ZNF610: variants seen among roughly 807,000 people sequenced by gnomAD.
ZNF610 encodes zinc finger protein 610.
A neutral mutation model predicts 14.1 loss-of-function variants in ZNF610; 14 were observed. That is an observed-to-expected ratio of 0.99 (90% CI 0.65 to 1.55). The LOEUF (loss-of-function observed/expected upper bound fraction) is 1.55, where lower values mean the gene tolerates loss of function less well. Ranked by LOEUF, ZNF610 falls within the 40% of genes most tolerant of loss-of-function variation. The pLI, the probability that ZNF610 is intolerant of heterozygous loss-of-function variation, is 0.00. For missense variants in ZNF610, 530 were observed against 558.0 expected, an observed-to-expected ratio of 0.95 and a Z score of 0.51; for synonymous variants, 185 against 187.6, an observed-to-expected ratio of 0.99 and a Z score of 0.11.
At chr19:52,353,845 C>G (rs1276749830) in intron 4 of ZNF610, 37 bp downstream of exon 4, 6 of 1,583,628 alleles carry the variant, frequency 3.8e-6, no homozygotes, top group East Asian at 2.2e-5. Context: ...GGGATCTGCT[C>G]TAATCTGTCT....
chr19:52,355,386 T>G (rs2560979), intron 5 of ZNF610, among the ~76,000 whole-genome samples: 66,093 of 152,018 alleles, frequency 0.43, 14,738 homozygotes, highest in African/African-American at 0.54. Context: ...CAGCCCCCTC[T>G]GCCTGTTCAG....
intron 1 of ZNF610, among the ~76,000 whole-genome samples, chr19:52,344,878 G>A (rs953288917): frequency 4.6e-5 from 7 of 152,126 alleles, no homozygotes; most frequent in Admixed American, 2.6e-4. Context: ...TGCCTCCCAG[G>A]TTCAAGTGAT....
chr19:52,351,848 G>A (rs1284476441), intron 3 of ZNF610, among the ~76,000 whole-genome samples: 3 of 152,244 alleles, frequency 2.0e-5, no homozygotes, highest in African/African-American at 7.2e-5. Flanking sequence ...GAAATCTGGA[G>A]TTTGTGGTTT....
In ZNF610 at chr19:52,353,852, G is replaced by A. The variant is rs2560889; in HGVS notation, c.190+44G>A. Reference sequence around the variant, plus strand: ...CAGAAGCCGGGATCTGCTCTAATCTGTCTTTGCATTTTCTCTTGCGTGCCT... The same window carrying A: ...CAGAAGCCGGGATCTGCTCTAATCTATCTTTGCATTTTCTCTTGCGTGCCT... On this transcript the variant is annotated intron_variant, in intron 4 of 5. Coordinates refer to ENST00000403906, the MANE Select transcript of ZNF610 (RefSeq NM_001161425.2). 5,436 of 1,568,334 alleles carry A rather than the reference G, an allele frequency of 3.5e-3. 94 individuals carry two copies. The East Asian group carries it at 0.053, about 15-fold the overall frequency.
intron 4 of ZNF610, 132 bp downstream of exon 4, chr19:52,353,940 C>T: frequency 3.3e-6 from 4 of 1,204,186 alleles, no homozygotes; most frequent in Non-Finnish European, 4.6e-6. Flanking sequence ...ATGAAAAGCT[C>T]TATTATGCTC....
intron 5 of ZNF610, among the ~76,000 whole-genome samples, chr19:52,356,202 T>C (rs566487026): frequency 1.3e-5 from 2 of 152,324 alleles, no homozygotes; most frequent in East Asian, 3.9e-4. Context: ...CATTCTTCAG[T>C]TGTGCTTCAT....
chr19:52,366,840 TATC>T lies in ZNF610; in HGVS notation c.*76_*78del, dbSNP rs1986123336. 5.7e-6 allele frequency: 7 copies of T among 1,225,514 alleles called. No individual in the cohort carries two copies. The highest frequency in any genetic ancestry group is 1.5e-5 in the African/African-American group (1 of 65,742). 75.9% of individuals were successfully genotyped at this position (1,225,514 alleles called of 1,614,324 possible). A position where few individuals can be genotyped will look rare whatever the true frequency, so the allele number is the denominator to read the frequency against. On this transcript the variant is annotated 3_prime_UTR_variant, in exon 6 of 6. Coordinates refer to ENST00000403906, the MANE Select transcript of ZNF610 (RefSeq NM_001161425.2). ...GGACTCAGGAGAAAAACCTTACAAA[TATC>T]ATAAATGTGGCAAAGAATTTAGTTT...
rs531682273 is a variant in ZNF610, at chr19:52,348,961, G to A, written c.-19-193G>A. Among the ~76,000 whole-genome samples the A allele has an allele frequency of 5.3e-5, 8 of 152,232 alleles. No homozygotes were observed. The South Asian group carries it at 1.2e-3, about 24-fold the overall frequency. ...GTGCGGGCTTCTCCAGGAGGGGAGC[G>A]AGTCCTGAATAAAAGAGTAAAAATT... On this transcript the variant is annotated intron_variant, in intron 2 of 5. Transcript: ENST00000403906.
Position 52,343,632 on chromosome 19 carries a change from G to A in ZNF610, c.-257-4075G>A, listed in dbSNP as rs1309508288. Among the ~76,000 whole-genome samples the A allele has an allele frequency of 3.3e-5, 5 of 152,136 alleles. No individual in the cohort carries two copies. The East Asian group carries it at 5.8e-4, about 18-fold the overall frequency. ...TGTATGGAAAGTACAGTTAATGTTT[G>A]AGTTGTACCTTGATACAAGCAGTTT... On this transcript the variant is annotated intron_variant, in intron 1 of 5. Transcript: ENST00000403906.
At chr19:52,341,664 T>C (rs1253286050) in intron 1 of ZNF610, among the ~76,000 whole-genome samples, 1 of 150,690 alleles carries the variant, frequency 6.6e-6, no homozygotes, top group Non-Finnish European at 1.5e-5. Context: ...CCTCACTCTA[T>C]TGCACAGGCT....
intron 1 of ZNF610, among the ~76,000 whole-genome samples, chr19:52,340,927 C>T (rs571436792): frequency 6.4e-4 from 98 of 152,052 alleles, no homozygotes; most frequent in Middle Eastern, 3.4e-3. Flanking sequence ...GTGATCTGCC[C>T]GCCTTGGCCT....
At chr19:52,345,817 A>G (rs11879598) in intron 1 of ZNF610, among the ~76,000 whole-genome samples, 3,542 of 151,254 alleles carry the variant, frequency 0.023, 146 homozygotes, top group African/African-American at 0.081. Flanking sequence ...CCATTCTCCC[A>G]CCTCAGCCTC....
At chr19:52,331,317 G>A (rs148746750), upstream of ZNF610, among the ~76,000 whole-genome samples, 1 of 152,250 alleles carries the variant, frequency 6.6e-6, no homozygotes, top group East Asian at 1.9e-4. Flanking sequence ...CCAATAGAGT[G>A]GCAGTCCCCA....
At chr19:52,355,347 A>G (rs1454736287) in intron 5 of ZNF610, among the ~76,000 whole-genome samples, 1 of 152,036 alleles carries the variant, frequency 6.6e-6, no homozygotes, top group Non-Finnish European at 1.5e-5. Flanking sequence ...TCTTTTTTGC[A>G]TCTGGGCCCT....
chr19:52,338,928 G>C (rs1298262280), intron 1 of ZNF610, among the ~76,000 whole-genome samples: 2 of 151,944 alleles, frequency 1.3e-5, no homozygotes, highest in Non-Finnish European at 1.5e-5. Flanking sequence ...GACCCGCGCC[G>C]GCCCGGTCTC....
At chr19:52,351,907 GT>G (rs1985272598) in intron 3 of ZNF610, among the ~76,000 whole-genome samples, 1 of 152,150 alleles carries the variant, frequency 6.6e-6, no homozygotes, top group Non-Finnish European at 1.5e-5. Flanking sequence ...AGGCTAACGT[GT>G]TCATGCATTT....
chr19:52,331,678 G>C (rs1024270201), upstream of ZNF610, among the ~76,000 whole-genome samples: 1 of 152,136 alleles, frequency 6.6e-6, no homozygotes, highest in Non-Finnish European at 1.5e-5. Flanking sequence ...GAGAAATCTA[G>C]CACCTATTAT....
intron 5 of ZNF610, among the ~76,000 whole-genome samples, chr19:52,360,184 C>G (rs898086755): frequency 6.6e-5 from 10 of 152,260 alleles, no homozygotes; most frequent in African/African-American, 2.2e-4. Flanking sequence ...GTCTTAAGAC[C>G]TATAATCAGA....
rs1311058285 is a variant in ZNF610, at chr19:52,366,426, G to A, written c.1048G>A (p.Gly350Ser). 4 of 1,613,964 alleles carry A rather than the reference G, an allele frequency of 2.5e-6. No individual in the cohort carries two copies. The highest frequency in any genetic ancestry group is 3.4e-6 in the Non-Finnish European group (4 of 1,180,038). Residue 350 changes from glycine to serine, a missense_variant, in exon 6 of 6, where the codon GGC becomes AGC. Gly to Ser is a moderately conservative substitution (Grantham distance 56, BLOSUM62 0). Coordinates refer to ENST00000403906, the MANE Select transcript of ZNF610 (RefSeq NM_001161425.2). The stretch of plus-strand genomic sequence containing the variant: ...AAAACCTTACAAATGTAATGAATGT[G>A]GCAAGGTCTTTAGTCTGCTTTCATA... ...AEKPYKCNEC[G>S]KVFSLLSYLA...
Sources: allele counts gnomAD v4.1 joint callset (sites outside exome capture counted in the v4.1 genomes callset), GRCh38; gene constraint gnomAD v4.1.1; transcripts MANE v1.5; gene names NCBI Gene and HGNC (gene_info 2026-07-23, HGNC 2026-07-21).